Variants in PDE4B observed in about 807,000 individuals in gnomAD.
PDE4B encodes the protein phosphodiesterase 4B.
A neutral mutation model predicts 82.2 loss-of-function variants in PDE4B; 20 were observed. That is an observed-to-expected ratio of 0.24 (90% CI 0.17 to 0.35). The LOEUF (loss-of-function observed/expected upper bound fraction) is 0.35. Ranked by LOEUF, PDE4B falls within the 10% of genes least tolerant of loss-of-function variation. The pLI, the probability that PDE4B is intolerant of heterozygous loss-of-function variation, is 1.00. For missense variants in PDE4B, 655 were observed against 907.2 expected, an observed-to-expected ratio of 0.72 and a Z score of 3.57; for synonymous variants, 320 against 318.9, an observed-to-expected ratio of 1.00 and a Z score of -0.04.
intron 3 of PDE4B, among the ~76,000 whole-genome samples, chr1:65,970,306 A>T (rs1322972839): frequency 6.6e-6 from 1 of 152,078 alleles, no homozygotes; most frequent in Non-Finnish European, 1.5e-5. Context: ...AAACCTAAAA[A>T]TGGGAAATAC....
At chr1:66,323,159 C>T (rs548323484) in intron 7 of PDE4B, among the ~76,000 whole-genome samples, 1 of 152,282 alleles carries the variant, frequency 6.6e-6, no homozygotes, top group Admixed American at 6.5e-5. Context: ...AATACAAGAT[C>T]TTTGCATGGC....
chr1:66,107,044 G>A (rs553159176), intron 3 of PDE4B, among the ~76,000 whole-genome samples: 6 of 147,098 alleles, frequency 4.1e-5, no homozygotes, highest in Admixed American at 1.4e-4. Context: ...TGTCAATTTT[G>A]GATCTTTCCT....
chr1:65,980,013 C>A (rs560623994), intron 3 of PDE4B, among the ~76,000 whole-genome samples: 1 of 152,168 alleles, frequency 6.6e-6, no homozygotes, highest in South Asian at 2.1e-4. Context: ...AGAAGAGAAC[C>A]ATAGAAAGAT....
chr1:65,926,002 A>G (rs1323434450), intron 3 of PDE4B, among the ~76,000 whole-genome samples: 1 of 152,078 alleles, frequency 6.6e-6, no homozygotes, highest in African/African-American at 2.4e-5. Context: ...TTACCTTTGC[A>G]ATGAGAAAAT....
intron 3 of PDE4B, among the ~76,000 whole-genome samples, chr1:66,130,233 A>C (rs74084628): frequency 0.017 from 2,524 of 152,336 alleles, 63 homozygotes; most frequent in African/African-American, 0.058. Context: ...TAGCTTGGGC[A>C]ATTTGTGAAC....
At chr1:66,018,482 G>T (rs1217054470) in intron 3 of PDE4B, among the ~76,000 whole-genome samples, 2 of 152,170 alleles carry the variant, frequency 1.3e-5, no homozygotes, top group Non-Finnish European at 2.9e-5. Flanking sequence ...TAATACAGTA[G>T]ATTCTGCTTG....
chr1:66,129,738 T>A (rs1645901947), intron 3 of PDE4B, among the ~76,000 whole-genome samples: 1 of 150,990 alleles, frequency 6.6e-6, no homozygotes, highest in East Asian at 1.9e-4. Context: ...AAGACATATC[T>A]ATTTCATAAG....
intron 8 of PDE4B, among the ~76,000 whole-genome samples, chr1:66,340,401 A>G (rs1660886808): frequency 6.6e-6 from 1 of 152,202 alleles, no homozygotes; most frequent in South Asian, 2.1e-4. Context: ...TATGGAATAG[A>G]TTTTAAAGCT....
At chr1:66,314,896 G>A (rs1451217959) in intron 7 of PDE4B, among the ~76,000 whole-genome samples, 2 of 151,796 alleles carry the variant, frequency 1.3e-5, no homozygotes, top group East Asian at 3.8e-4. Context: ...GCACACCTTT[G>A]CTGCTCCCAG....
At chr1:65,956,967 T>C (rs1266163473) in intron 3 of PDE4B, among the ~76,000 whole-genome samples, 1 of 152,168 alleles carries the variant, frequency 6.6e-6, no homozygotes, top group Non-Finnish European at 1.5e-5. Flanking sequence ...TATGTACAGG[T>C]ATCTCATTGT....
intron 3 of PDE4B, among the ~76,000 whole-genome samples, chr1:66,087,795 A>G (rs1657088403): frequency 6.8e-6 from 1 of 146,306 alleles, no homozygotes; most frequent in Non-Finnish European, 1.5e-5. Context: ...GCATATTCTC[A>G]CTCAAAGGTG....
chr1:66,110,416 T>C (rs544878231), intron 3 of PDE4B, among the ~76,000 whole-genome samples: 1 of 152,036 alleles, frequency 6.6e-6, no homozygotes, highest in South Asian at 2.1e-4. Flanking sequence ...GTGAAAAAGG[T>C]CAATGAATGA....
At chr1:65,815,829 A>T (rs977624475) in intron 1 of PDE4B, among the ~76,000 whole-genome samples, 1 of 152,230 alleles carries the variant, frequency 6.6e-6, no homozygotes, top group African/African-American at 2.4e-5. Flanking sequence ...AGCAATCAGT[A>T]AAAGGATTCA....
chr1:66,007,399 A>T (rs1652208620), intron 3 of PDE4B, among the ~76,000 whole-genome samples: 1 of 152,088 alleles, frequency 6.6e-6, no homozygotes, highest in South Asian at 2.1e-4. Flanking sequence ...AGCCGAGATC[A>T]TGCCACTGCA....
intron 3 of PDE4B, among the ~76,000 whole-genome samples, chr1:66,064,617 C>G (rs12026690): frequency 0.069 from 10,469 of 151,910 alleles, 649 homozygotes; most frequent in East Asian, 0.26. Context: ...TTCTCATTGA[C>G]TCTTTTCCTC....
At chr1:65,932,128 A>C (rs977790891) in intron 3 of PDE4B, among the ~76,000 whole-genome samples, 1 of 151,614 alleles carries the variant, frequency 6.6e-6, no homozygotes, top group East Asian at 1.9e-4. Context: ...TGGGGTACTT[A>C]TGGGACCTGG....
chr1:66,178,020 T>C (rs561297782), intron 3 of PDE4B, among the ~76,000 whole-genome samples: 6 of 150,496 alleles, frequency 4.0e-5, no homozygotes, highest in African/African-American at 1.5e-4. Context: ...TCACAATGCC[T>C]ACTATTCCTT....
intron 4 of PDE4B, among the ~76,000 whole-genome samples, chr1:66,254,896 C>A (rs1015853717): frequency 1.3e-5 from 2 of 152,130 alleles, no homozygotes; most frequent in Non-Finnish European, 2.9e-5. Flanking sequence ...TGTCCCCACT[C>A]CAATCTATCC....
intron 3 of PDE4B, among the ~76,000 whole-genome samples, chr1:65,933,476 T>C (rs2100524668): frequency 6.6e-6 from 1 of 152,244 alleles, no homozygotes; most frequent in East Asian, 1.9e-4. Context: ...GCGGATCACT[T>C]GAGGTCAGGA....
Sources: allele counts gnomAD v4.1 joint callset (sites outside exome capture counted in the v4.1 genomes callset), GRCh38; gene constraint gnomAD v4.1.1; transcripts MANE v1.5; gene names NCBI Gene and HGNC (gene_info 2026-07-23, HGNC 2026-07-21).